FAM219A: variants seen among roughly 807,000 people sequenced by gnomAD.
The protein encoded by FAM219A is family with sequence similarity 219 member A, also known as protein FAM219A.
FAM219A carries 7 observed loss-of-function variants against 23.4 expected under a neutral mutation model. The ratio of observed to expected loss-of-function variants is 0.30; its 90% CI spans 0.17 to 0.56. The LOEUF is 0.56. FAM219A is among the 20% of genes least tolerant of loss of function. FAM219A has a pLI of 0.92. For missense variants in FAM219A, 166 were observed against 246.9 expected (o/e 0.67, Z 2.20); for synonymous variants, 93 against 99.0 (o/e 0.94, Z 0.36).
chr9:34,435,216 A>C (rs1822858036), intron 1 of FAM219A, among the ~76,000 whole-genome samples: 2 of 152,294 alleles, frequency 1.3e-5, no homozygotes. Flanking sequence ...GATGTGAGTC[A>C]AGTGTGGCAT....
intron 1 of FAM219A, among the ~76,000 whole-genome samples, chr9:34,413,483 C>T (rs7031766): frequency 0.8 from 122,304 of 151,980 alleles, 49,387 homozygotes; most frequent in Non-Finnish European, 0.84. Context: ...TAATCCAGGG[C>T]AGAGACATGA....
chr9:34,434,222 A>AG (rs1822823392), intron 1 of FAM219A, among the ~76,000 whole-genome samples: 1 of 150,644 alleles, frequency 6.6e-6, no homozygotes, highest in African/African-American at 2.4e-5. Context: ...AAAAAAAAAA[A>AG]AAAAAGAATG....
chr9:34,450,355 T>C (rs1042781109), intron 1 of FAM219A, among the ~76,000 whole-genome samples: 7 of 151,348 alleles, frequency 4.6e-5, no homozygotes, highest in African/African-American at 1.7e-4. Flanking sequence ...ACCTTGTACA[T>C]AATTATGTTT....
chr9:34,447,921 G>C (rs7847308), intron 1 of FAM219A, among the ~76,000 whole-genome samples: 27,493 of 151,434 alleles, frequency 0.18, 2,722 homozygotes, highest in East Asian at 0.33. Flanking sequence ...GCCTAGGCTA[G>C]AGTGTAATAG....
intron 1 of FAM219A, among the ~76,000 whole-genome samples, chr9:34,406,738 T>A (rs756487990): frequency 6.6e-6 from 1 of 151,668 alleles, no homozygotes; most frequent in Admixed American, 6.6e-5. Context: ...ACTTTTGACA[T>A]CCTCCTCACT....
intron 1 of FAM219A, among the ~76,000 whole-genome samples, chr9:34,414,391 C>G (rs944523080): frequency 6.6e-6 from 1 of 152,228 alleles, no homozygotes; most frequent in African/African-American, 2.4e-5. Flanking sequence ...CAGAGCCAGG[C>G]AATTGGCCAG....
chr9:34,405,882 G>A lies in FAM219A; in HGVS notation c.143C>T (p.Pro48Leu), dbSNP rs769152405. ...ACACTCACCCAGCTTCACTTGGAGCGGGGATGGTTTGTAATTCATGGCTAC... is the reference window on the plus strand; with the variant it reads ...ACACTCACCCAGCTTCACTTGGAGCAGGGATGGTTTGTAATTCATGGCTAC... Reference protein sequence around the residue: ...ESVAMNYKPSPLQVKLEKQRE... With the variant: ...ESVAMNYKPSLLQVKLEKQRE... The change falls in exon 2 of 6, where the codon CCG becomes CTG. Residue 48 changes from proline to leucine, a missense_variant. Physicochemically the swap from Pro to Leu is moderately conservative, Grantham distance 98 (BLOSUM62 -3). Around this residue, in one of 3 missense-constraint regions of FAM219A, gnomAD observed 89 missense variants for 98.8 expected, o/e 0.90. Coordinates refer to ENST00000651358, the MANE Select transcript of FAM219A (RefSeq NM_001184940.2). 7 of 1,613,856 alleles carry A rather than the reference G, an allele frequency of 4.3e-6. No homozygotes were observed. In the East Asian group the frequency reaches 6.7e-5, roughly 15 times the overall value.
At chr9:34,423,778 G>A (rs571968061) in intron 1 of FAM219A, among the ~76,000 whole-genome samples, 1 of 152,262 alleles carries the variant, frequency 6.6e-6, no homozygotes, top group East Asian at 1.9e-4. Flanking sequence ...AAAAAAGGAG[G>A]TGGAGAAGAA....
At chr9:34,401,534 C>T in intron 5 of FAM219A, 132 bp downstream of exon 5, 1 of 1,029,000 alleles carries the variant, frequency 9.7e-7, no homozygotes, top group East Asian at 2.6e-5. Flanking sequence ...CCCAGGCCCA[C>T]CCTGTGCAGG....
rs79221819 is a variant in FAM219A at position 34,446,684 on chromosome 9, A to G, written c.60+11520T>C. 1.5e-3 allele frequency among the ~76,000 whole-genome samples: 236 copies of G among 152,322 alleles called. 1 individual carries two copies. Among genetic ancestry groups the G allele is most frequent in the Admixed American group, 2.9e-3 (44 of 15,302 alleles). On this transcript the variant is annotated intron_variant, in intron 1 of 5. Transcript: ENST00000651358. ...GAAGACTATCCTCCTTTTCTTTCCT[A>G]ATCCCAGTCCTTTAGGTATTTGAAA...
At chr9:34,456,877 T>C (rs550361398) in intron 1 of FAM219A, among the ~76,000 whole-genome samples, 1 of 152,264 alleles carries the variant, frequency 6.6e-6, no homozygotes, top group East Asian at 1.9e-4. Flanking sequence ...CACTAATGAT[T>C]CTCTCTACCA....
Position 34,414,517 on chromosome 9 carries a change from TTAAAATAAAA to T in FAM219A, c.61-8563_61-8554del, listed in dbSNP as rs113158057. On this transcript the variant is annotated intron_variant, in intron 1 of 5. Coordinates refer to ENST00000651358, the MANE Select transcript of FAM219A (RefSeq NM_001184940.2). ...ACGTTCTGCACATGTATCCCAGAAC[TTAAAATAAAA>T]TAAAATAAAATAAAACAAAATAAAA... is the stretch of plus-strand genomic sequence containing the variant. 7.2e-5 allele frequency among the ~76,000 whole-genome samples: 11 copies of T among 152,232 alleles called. No individual in the cohort carries two copies. In the East Asian group the frequency reaches 1.7e-3, roughly 24 times the overall value.
In FAM219A at chr9:34,411,757, G is replaced by A. The variant is rs368413998; in HGVS notation, c.61-5793C>T. Among the ~76,000 whole-genome samples, 14 of 152,014 alleles carry A rather than the reference G, an allele frequency of 9.2e-5. No individual in the cohort carries two copies. In the East Asian group the frequency reaches 1.7e-3, roughly 19 times the overall value. On this transcript the variant is annotated intron_variant, in intron 1 of 5. Coordinates refer to ENST00000651358, the MANE Select transcript of FAM219A (RefSeq NM_001184940.2). ...AAGTTCCCAATAATTATTAATAAAG[G>A]TAACCAAGAGCCATATAAAAGTAGA...
At chr9:34,443,746 C>G (rs1318979252) in intron 1 of FAM219A, among the ~76,000 whole-genome samples, 1 of 152,146 alleles carries the variant, frequency 6.6e-6, no homozygotes, top group Non-Finnish European at 1.5e-5. Flanking sequence ...CCGTGCCCCC[C>G]ACTGGCTTAT....
chr9:34,458,255 C>T lies in FAM219A; in HGVS notation c.9G>A (p.Glu3=), dbSNP rs912583101. The part of the protein sequence containing the change: MM[E]EIDRFQVPTA... Reference sequence around the variant, plus strand: ...TGGGCACCTGGAACCGGTCGATCTCCTCCATCATGGTGCCGGCGGGCGAGC... The same window carrying T: ...TGGGCACCTGGAACCGGTCGATCTCTTCCATCATGGTGCCGGCGGGCGAGC... Residue 3 remains glutamate (E), a synonymous_variant, in exon 1 of 6, where the codon GAG becomes GAA. Transcript: ENST00000651358. The surrounding 1 kb of genome is among the most constrained non-coding windows in gnomAD (Gnocchi z 6.6). 5.1e-6 allele frequency: 8 copies of T among 1,572,810 alleles called. No individual in the cohort carries two copies. In the South Asian group the frequency reaches 8.1e-5, roughly 16 times the overall value.
In FAM219A at chr9:34,458,234, C is replaced by A; in HGVS notation, c.30G>T (p.Val10=). ...GCTGCATCTCCGAGTGCGCGGTGGG[C>A]ACCTGGAACCGGTCGATCTCCTCCA... MMEEIDRFQ[V]PTAHSEMQPL... is the part of the protein sequence containing the mutation. The change falls in exon 1 of 6, where the codon GTG becomes GTT. Residue 10 remains valine, a synonymous_variant. Transcript: ENST00000651358. This position sits in a 1 kb window ranked among gnomAD's most constrained non-coding sequence, Gnocchi z 6.6. 6.3e-7 allele frequency: 1 copy of A among 1,589,314 alleles called. No homozygotes were observed. Among genetic ancestry groups the A allele is most frequent in the Non-Finnish European group, 8.5e-7 (1 of 1,171,802 alleles).
chr9:34,425,719 G>A (rs1822439888), intron 1 of FAM219A, among the ~76,000 whole-genome samples: 2 of 152,142 alleles, frequency 1.3e-5, no homozygotes, highest in Admixed American at 6.5e-5. Context: ...AGGCTCACAC[G>A]AGGGCAGAGG....
chr9:34,439,585 A>G (rs1564014442), intron 1 of FAM219A, among the ~76,000 whole-genome samples: 2 of 152,196 alleles, frequency 1.3e-5, no homozygotes, highest in African/African-American at 4.8e-5. Flanking sequence ...TGATGAAACT[A>G]TAGCTGAACT....
At chr9:34,438,721 T>A (rs916523996) in intron 1 of FAM219A, among the ~76,000 whole-genome samples, 2 of 152,304 alleles carry the variant, frequency 1.3e-5, no homozygotes, top group African/African-American at 4.8e-5. Context: ...AACCTTTGTG[T>A]CTAGCTCAGG....
Sources: gnomAD v4.1 joint callset for allele counts (sites outside exome capture counted in the v4.1 genomes callset) on GRCh38, gnomAD v4.1.1 for gene constraint, gnomAD v4.1.1 regional missense constraint, Gnocchi (gnomAD v3.1) non-coding constraint, MANE v1.5 for transcripts, NCBI Gene and HGNC (gene_info 2026-07-23, HGNC 2026-07-21) for gene names.